RNF17: variants seen among roughly 807,000 people sequenced by gnomAD.
RNF17 encodes the protein spermatogenesis associated 23.
In RNF17, 31 loss-of-function variants were observed where a neutral mutation model predicts 200.5. The ratio of observed to expected loss-of-function variants is 0.15; its 90% CI spans 0.12 to 0.21. RNF17 has a LOEUF of 0.21. Among genes scored for constraint, RNF17 ranks in the 10% least tolerant of loss-of-function variants. RNF17 has a pLI of 1.00. For missense variants in RNF17, 1,628 were observed against 1,905.1 expected (o/e 0.85, Z 2.71); for synonymous variants, 606 against 637.8 (o/e 0.95, Z 0.75).
intron 14 of RNF17, among the ~76,000 whole-genome samples, chr13:24,803,385 C>T (rs1478094526): frequency 6.6e-6 from 1 of 152,198 alleles, no homozygotes; most frequent in African/African-American, 2.4e-5. Context: ...GAAACCTCTG[C>T]CTCCCCAGGT....
chr13:24,824,715 G>C (rs1213621343), intron 15 of RNF17, among the ~76,000 whole-genome samples: 1 of 152,168 alleles, frequency 6.6e-6, no homozygotes, highest in Non-Finnish European at 1.5e-5. Context: ...AAGATGGATG[G>C]TTGATAAGAT....
rs367778767 is a variant in RNF17 at position 24,788,114 on chromosome 13, A to G, written c.738A>G (p.Ala246=). The G allele has an allele frequency of 1.9e-5, 30 of 1,596,848 alleles. No individual in the cohort carries two copies. The highest frequency in any genetic ancestry group is 1.7e-4 in the Middle Eastern group (1 of 6,026). Reference sequence around the variant, plus strand: ...ATGCAGCTATGAACATAGCAAGAGCATTACAATTATCGCCTTCTCTAAGAA... The same window carrying G: ...ATGCAGCTATGAACATAGCAAGAGCGTTACAATTATCGCCTTCTCTAAGAA... The part of the protein sequence containing the change: ...NLNAAMNIAR[A]LQLSPSLRTY... The change falls in exon 7 of 36, where the codon GCA becomes GCG. Residue 246 remains alanine (A), a synonymous_variant. Coordinates refer to ENST00000255324, the MANE Select transcript of RNF17 (RefSeq NM_031277.3).
chr13:24,834,844 G>T (rs573426716), intron 18 of RNF17, among the ~76,000 whole-genome samples: 1 of 152,156 alleles, frequency 6.6e-6, no homozygotes, highest in African/African-American at 2.4e-5. Flanking sequence ...TCAGGGGAGG[G>T]TACAAATCTG....
chr13:24,853,720 C>T (rs1684964559), intron 24 of RNF17, 135 bp from the exon 25 acceptor site: 1 of 631,734 alleles, frequency 1.6e-6, no homozygotes. Flanking sequence ...TTAACTGATG[C>T]TAATTTTTAT....
At chr13:24,853,504 C>T (rs1231570663) in intron 24 of RNF17, among the ~76,000 whole-genome samples, 1 of 151,892 alleles carries the variant, frequency 6.6e-6, no homozygotes, top group Non-Finnish European at 1.5e-5. Context: ...TAATAGCTTG[C>T]CAGATGTCTG....
At chr13:24,882,646 T>G (rs1346026446), downstream of RNF17, 1 of 155,876 alleles carries the variant, frequency 6.4e-6, no homozygotes, top group East Asian at 1.9e-4. Context: ...ACCTGTTGTG[T>G]GTGACCTATT....
the RNF17 span, among the ~76,000 whole-genome samples, chr13:24,748,721 T>A: frequency 2.7e-5 from 4 of 150,904 alleles, no homozygotes; most frequent in East Asian, 1.9e-4. Context: ...CTAAAAGGTT[T>A]TTGTTGTTGG....
intron 28 of RNF17, among the ~76,000 whole-genome samples, chr13:24,864,414 C>T (rs906522438): frequency 6.6e-6 from 1 of 152,158 alleles, no homozygotes; most frequent in African/African-American, 2.4e-5. Flanking sequence ...ACATTCAGCA[C>T]CCAATAACTG....
the RNF17 span, among the ~76,000 whole-genome samples, chr13:24,754,531 C>T: frequency 1.3e-5 from 2 of 152,112 alleles, no homozygotes; most frequent in Non-Finnish European, 2.9e-5. Flanking sequence ...CATCTCCCAC[C>T]ACAACATTAT....
chr13:24,761,827 A>G (rs1459532817), upstream of RNF17, among the ~76,000 whole-genome samples: 2 of 152,326 alleles, frequency 1.3e-5, no homozygotes, highest in Admixed American at 6.5e-5. Context: ...ACTGGCCCTG[A>G]TTTATCCAAG....
At chr13:24,771,205 G>T (rs1593208856) in intron 2 of RNF17, among the ~76,000 whole-genome samples, 2 of 151,966 alleles carry the variant, frequency 1.3e-5, no homozygotes, top group South Asian at 4.1e-4. Context: ...AGACTGGAGT[G>T]CAGTGATGTG....
chr13:24,809,365 T>G (rs1886299813), intron 15 of RNF17, among the ~76,000 whole-genome samples: 1 of 152,202 alleles, frequency 6.6e-6, no homozygotes, highest in Non-Finnish European at 1.5e-5. Flanking sequence ...CTTCCTGGTT[T>G]AGTCTTGGGA....
intron 32 of RNF17, among the ~76,000 whole-genome samples, chr13:24,872,246 C>T (rs185624476): frequency 6.6e-6 from 1 of 152,284 alleles, no homozygotes; most frequent in East Asian, 1.9e-4. Context: ...AGACGTGAGC[C>T]TCCGTGCCTA....
intron 28 of RNF17, among the ~76,000 whole-genome samples, chr13:24,864,474 G>C (rs1893421809): frequency 6.6e-6 from 1 of 152,150 alleles, no homozygotes; most frequent in African/African-American, 2.4e-5. Flanking sequence ...CCTGCTTTTA[G>C]ACTGTTTCGA....
At chr13:24,782,060 A>G (rs1882455124) in intron 6 of RNF17, 116 bp downstream of exon 6, 5 of 702,514 alleles carry the variant, frequency 7.1e-6, no homozygotes, top group Middle Eastern at 3.1e-4. Context: ...TGTAATGGGT[A>G]ACTTTCAAAC....
chr13:24,779,858 G>A (rs1018835070), intron 5 of RNF17, 111 bp downstream of exon 5: 5 of 708,944 alleles, frequency 7.1e-6, no homozygotes, highest in Admixed American at 2.8e-5. Context: ...GAGTTATTAA[G>A]CATGATAATC....
intron 32 of RNF17, among the ~76,000 whole-genome samples, chr13:24,873,280 C>T (rs1215180577): frequency 1.3e-5 from 2 of 152,088 alleles, no homozygotes; most frequent in Admixed American, 6.5e-5. Flanking sequence ...AAATGCCTTT[C>T]TTTGAAGCTT....
chr13:24,770,621 A>G lies in RNF17; in HGVS notation c.225+3255A>G, dbSNP rs189867010. On this transcript the variant is annotated intron_variant, in intron 2 of 35. Transcript: ENST00000255324. The stretch of plus-strand genomic sequence containing the variant: ...GAGATTTGTTAAAAGTAACCTAACT[A>G]AACTAATAATACATGGCTACAAGTA... Among the ~76,000 whole-genome samples the G allele has an allele frequency of 7.9e-5, 12 of 152,310 alleles. No individual in the cohort carries two copies. The East Asian group carries it at 2.1e-3, about 27-fold the overall frequency.
At chr13:24,788,832 G>C (rs757111314) in intron 7 of RNF17, among the ~76,000 whole-genome samples, 5 of 152,078 alleles carry the variant, frequency 3.3e-5, no homozygotes, top group Admixed American at 3.3e-4. Flanking sequence ...CTCACTTCCC[G>C]TGGATAATCA....
Sources: allele counts gnomAD v4.1 joint callset (sites outside exome capture counted in the v4.1 genomes callset), GRCh38; gene constraint gnomAD v4.1.1; transcripts MANE v1.5; gene names NCBI Gene and HGNC (gene_info 2026-07-23, HGNC 2026-07-21).